The following PACRGL variants were observed in gnomAD, a reference collection of about 807,000 sequenced individuals.
PACRGL encodes PACRG-like protein.
PACRGL carries 38 observed loss-of-function variants against 34.5 expected under a neutral mutation model. That is an observed-to-expected ratio of 1.10 (90% CI 0.85 to 1.44). The LOEUF (loss-of-function observed/expected upper bound fraction) is 1.44. Among genes scored for constraint, PACRGL ranks in the 40% most tolerant of loss-of-function variants. The pLI is 0.00. For synonymous variants in PACRGL, 128 were observed against 100.1 expected (o/e 1.28, Z -1.66); for missense variants, 305 against 281.4 (o/e 1.08, Z -0.60).
At chr4:20,765,766 G>A in the PACRGL span, among the ~76,000 whole-genome samples, 2 of 152,152 alleles carry the variant, frequency 1.3e-5, no homozygotes, top group African/African-American at 2.4e-5. Context: ...CACAATAAAA[G>A]TAGAATGAGG....
chr4:20,760,557 C>A, the PACRGL span, among the ~76,000 whole-genome samples: 2 of 152,108 alleles, frequency 1.3e-5, no homozygotes, highest in African/African-American at 4.8e-5. Context: ...ACAGTGTTAA[C>A]AGTTTCAATG....
chr4:20,735,867 C>T (rs116240267), downstream of PACRGL, among the ~76,000 whole-genome samples: 2,479 of 152,148 alleles, frequency 0.016, 31 homozygotes, highest in Non-Finnish European at 0.027. Flanking sequence ...GCAGGGTTAA[C>T]GTTACAATGT....
At chr4:20,741,482 T>C (rs1258575899) in intron 8 of PACRGL, among the ~76,000 whole-genome samples, 2 of 152,040 alleles carry the variant, frequency 1.3e-5, no homozygotes, top group African/African-American at 4.8e-5. Flanking sequence ...GGGTAGATAA[T>C]GAAATGAAGG....
At chr4:20,766,935 C>G in the PACRGL span, 1 of 152,170 alleles carries the variant, frequency 6.6e-6, no homozygotes, top group African/African-American at 2.4e-5. Context: ...CATTGCTCTC[C>G]TCTGTGAAAC....
At chr4:20,760,107 GTGT>G in the PACRGL span, among the ~76,000 whole-genome samples, 5 of 152,182 alleles carry the variant, frequency 3.3e-5, no homozygotes, top group African/African-American at 1.2e-4. Flanking sequence ...CTTCCAACTA[GTGT>G]TGTTCAAGAG....
intron 1 of PACRGL, chr4:20,701,784 A>G: frequency 2.2e-6 from 1 of 450,306 alleles, no homozygotes; most frequent in Admixed American, 2.4e-5. Context: ...AAATCCACCC[A>G]TGCCAAAGTC....
At chr4:20,739,814 C>T (rs773499153) in intron 8 of PACRGL, among the ~76,000 whole-genome samples, 28 of 152,062 alleles carry the variant, frequency 1.8e-4, no homozygotes, top group Admixed American at 2.6e-4. Context: ...GGAAGATGTT[C>T]GAACCCATCA....
chr4:20,739,601 C>G (rs769509178), intron 8 of PACRGL, among the ~76,000 whole-genome samples: 24 of 152,132 alleles, frequency 1.6e-4, no homozygotes, highest in Non-Finnish European at 3.2e-4. Flanking sequence ...TCACCATCAT[C>G]AAAGACCAAA....
chr4:20,727,535 G>A lies in PACRGL; in HGVS notation c.*194G>A. 2.1e-6 allele frequency: 1 copy of A among 481,856 alleles called. No homozygotes were observed. Among genetic ancestry groups the A allele is most frequent in the Non-Finnish European group, 3.7e-6 (1 of 270,088 alleles). The allele number at this position is 481,856 out of a possible 1,614,324, so 29.8% of individuals were successfully genotyped here. Reference sequence around the variant, plus strand: ...TACTAATGGAAAGTTATTAAAATAAGTTCTATAAGAGTACAATTTTGAGGT... The same window carrying A: ...TACTAATGGAAAGTTATTAAAATAAATTCTATAAGAGTACAATTTTGAGGT... On this transcript the variant is annotated 3_prime_UTR_variant, in exon 9 of 9. Coordinates refer to ENST00000503585, the MANE Select transcript of PACRGL (RefSeq NM_001258345.3).
chr4:20,753,873 T>G (rs1754057856), downstream of PACRGL, among the ~76,000 whole-genome samples: 3 of 151,652 alleles, frequency 2.0e-5, no homozygotes. Flanking sequence ...TAAAAAATGT[T>G]TATTGACAGA....
In PACRGL at chr4:20,724,887, G is replaced by A; in HGVS notation, c.689G>A (p.Ser230Asn). 6.8e-7 allele frequency: 1 copy of A among 1,462,396 alleles called. No homozygotes were observed. Among genetic ancestry groups the A allele is most frequent in the Non-Finnish European group, 9.0e-7 (1 of 1,113,004 alleles). 90.6% of individuals were successfully genotyped at this position (1,462,396 alleles called of 1,614,324 possible). ...ALQKLEQHGG[S>N]GSLSIIKSKI... ...CAAAAGCTAGAGCAACATGGTGGAAGTGTAAGTAGAATATTATTCCTTAAG... is the reference window on the plus strand; with the variant it reads ...CAAAAGCTAGAGCAACATGGTGGAAATGTAAGTAGAATATTATTCCTTAAG... The change falls in exon 8 of 9, where the codon AGT becomes AAT. Residue 230 changes from serine (S) to asparagine (N), a missense_variant and splice_region_variant. Transcript: ENST00000503585.
chr4:20,716,384 A>C lies in PACRGL; in HGVS notation c.609+2845A>C, dbSNP rs1740013598. ...TTAATTATACTTTAAGTTCTAGGGT[A>C]CATGTGCACAACGTGCAGGTTTGTT... On this transcript the variant is annotated intron_variant, in intron 7 of 8. Transcript: ENST00000503585. 6.9e-6 allele frequency: 4 copies of C among 575,718 alleles called. No individual in the cohort carries two copies. The South Asian group carries it at 9.1e-5, about 13-fold the overall frequency. The allele number at this position is 575,718 out of a possible 1,614,324, so 35.7% of individuals were successfully genotyped here. A position where few individuals can be genotyped will look rare whatever the true frequency, so the allele number is the denominator to read the frequency against.
At chr4:20,747,167 A>G (rs1012920987) in intron 8 of PACRGL, among the ~76,000 whole-genome samples, 1 of 152,198 alleles carries the variant, frequency 6.6e-6, no homozygotes, top group Non-Finnish European at 1.5e-5. Flanking sequence ...TATAAAAGCA[A>G]TGTTATGCAT....
intron 8 of PACRGL, among the ~76,000 whole-genome samples, chr4:20,742,484 A>G (rs1751368509): frequency 6.6e-6 from 1 of 152,222 alleles, no homozygotes; most frequent in Non-Finnish European, 1.5e-5. Context: ...TTATCTCAAC[A>G]GACACAGAAG....
rs561203408 is a variant in PACRGL, at chr4:20,706,285, T to G, written c.207+1471T>G. On this transcript the variant is annotated intron_variant, in intron 3 of 8. Transcript: ENST00000503585. ...ATTTCAATCAGAAATTTAGTCTTTG[T>G]GGGTATATTGAAATTTTAGGGATTA... Among the ~76,000 whole-genome samples, 6 of 152,236 alleles carry G rather than the reference T, an allele frequency of 3.9e-5. No homozygotes were observed. In the South Asian group the frequency reaches 1.2e-3, roughly 32 times the overall value.
At chr4:20,713,627 A>T (rs1362696723) in intron 7 of PACRGL, 88 bp downstream of exon 7, 2 of 1,099,108 alleles carry the variant, frequency 1.8e-6, no homozygotes, top group African/African-American at 1.6e-5. Flanking sequence ...TCAAATCTTC[A>T]ACTCAAAACC....
downstream of PACRGL, among the ~76,000 whole-genome samples, chr4:20,757,760 G>A (rs1240003461): frequency 6.6e-6 from 1 of 152,136 alleles, no homozygotes; most frequent in African/African-American, 2.4e-5. Flanking sequence ...TAGTTTCCAC[G>A]TGTGTATCTT....
At chr4:20,754,833 A>G (rs1754232884), downstream of PACRGL, among the ~76,000 whole-genome samples, 2 of 152,348 alleles carry the variant, frequency 1.3e-5, no homozygotes, top group East Asian at 1.9e-4. Context: ...GCTCTATCCA[A>G]GTTTTAGTAT....
At chr4:20,749,584 A>G in intron 8 of PACRGL, 1 of 1,002,984 alleles carries the variant, frequency 1.0e-6, no homozygotes, top group South Asian at 1.6e-5. Flanking sequence ...AAAAATAATC[A>G]TCACCAAACT....
Sources: gnomAD v4.1 joint callset for allele counts (sites outside exome capture counted in the v4.1 genomes callset) on GRCh38, gnomAD v4.1.1 for gene constraint, MANE v1.5 for transcripts, NCBI Gene and HGNC (gene_info 2026-07-23, HGNC 2026-07-21) for gene names.